NRXN3: variants seen among roughly 807,000 people sequenced by gnomAD.
NRXN3 encodes neurexin 3, also known as neurexin III.
NRXN3 carries 32 observed loss-of-function variants against 137.6 expected under a neutral mutation model. The ratio of observed to expected loss-of-function variants is 0.23; its 90% CI spans 0.18 to 0.31. NRXN3 has a LOEUF of 0.31. Ranked by LOEUF, NRXN3 falls within the 10% of genes least tolerant of loss-of-function variation. The pLI is 1.00. For missense variants in NRXN3, 1,574 were observed against 2,062.5 expected (o/e 0.76, Z 4.59); for synonymous variants, 798 against 784.5 (o/e 1.02, Z -0.29).
At chr14:79,462,382 T>A (rs1036214211) in intron 15 of NRXN3, among the ~76,000 whole-genome samples, 7 of 144,798 alleles carry the variant, frequency 4.8e-5, no homozygotes, top group African/African-American at 1.4e-4. Context: ...TCAAAAAAAA[T>A]AAATAAATAA....
intron 19 of NRXN3, among the ~76,000 whole-genome samples, chr14:79,704,804 C>A (rs929724926): frequency 6.6e-6 from 1 of 152,092 alleles, no homozygotes; most frequent in Admixed American, 6.6e-5. Context: ...TTACTTGTTG[C>A]CTGGTAAGAT....
At chr14:78,608,331 C>A (rs117350432) in intron 4 of NRXN3, among the ~76,000 whole-genome samples, 2,319 of 152,268 alleles carry the variant, frequency 0.015, 23 homozygotes, top group Non-Finnish European at 0.025. Context: ...CCTAGATATA[C>A]CTTCAGCCAA....
At chr14:78,567,073 A>G (rs1318326965) in intron 4 of NRXN3, among the ~76,000 whole-genome samples, 1 of 152,090 alleles carries the variant, frequency 6.6e-6, no homozygotes, top group Non-Finnish European at 1.5e-5. Flanking sequence ...ACCCTTAAAT[A>G]TGATGGATGG....
At chr14:78,303,081 C>T (rs905773095) in intron 4 of NRXN3, among the ~76,000 whole-genome samples, 59 of 152,318 alleles carry the variant, frequency 3.9e-4, no homozygotes, top group Non-Finnish European at 6.2e-4. Context: ...TCTTGCTCCT[C>T]TGTTAAGCTT....
chr14:78,832,504 T>A (rs1349487627), intron 10 of NRXN3, among the ~76,000 whole-genome samples: 1 of 152,150 alleles, frequency 6.6e-6, no homozygotes, highest in Non-Finnish European at 1.5e-5. Flanking sequence ...TGTAGCTTAG[T>A]TCTCTTGCTG....
At chr14:79,525,820 A>G (rs1014579010) in intron 16 of NRXN3, among the ~76,000 whole-genome samples, 3 of 152,228 alleles carry the variant, frequency 2.0e-5, no homozygotes, top group South Asian at 4.1e-4. Flanking sequence ...AACAGACTAC[A>G]GTTGGCATAT....
At position 79,529,787 on chromosome 14, in the gene NRXN3, A is replaced by T. The variant is rs115858857; in HGVS notation, c.3444+62385A>T. Among the ~76,000 whole-genome samples the T allele has an allele frequency of 5.6e-3, 854 of 152,328 alleles. 5 individuals are homozygous for T. Among genetic ancestry groups the T allele is most frequent in the African/African-American group, 0.02 (830 of 41,586 alleles). On this transcript the variant is annotated intron_variant, in intron 16 of 20. Coordinates refer to ENST00000335750, the MANE Select transcript of NRXN3 (RefSeq NM_001330195.2). The stretch of plus-strand genomic sequence containing the variant: ...AGAGAGAATTTTGATGGATGTGTGT[A>T]TTTGAGTCAGTTTTCATCCCACTGA...
rs536014991 is a variant in NRXN3 at position 78,850,404 on chromosome 14, G to A, written c.2275+40060G>A. 7.2e-5 allele frequency among the ~76,000 whole-genome samples: 11 copies of A among 152,198 alleles called. No individual in the cohort carries two copies. In the Middle Eastern group the frequency reaches 0.014, roughly 190 times the overall value. ...TCCATAGTGATTTCAAGTTAGCCCA[G>A]GGGTTAAAACTAACCATAGTACATT... On this transcript the variant is annotated intron_variant, in intron 10 of 20. Coordinates refer to ENST00000335750, the MANE Select transcript of NRXN3 (RefSeq NM_001330195.2).
intron 1 of NRXN3, among the ~76,000 whole-genome samples, chr14:78,205,805 G>T (rs2062129736): frequency 6.6e-6 from 1 of 152,216 alleles, no homozygotes; most frequent in Non-Finnish European, 1.5e-5. Context: ...GAAAGGAGTT[G>T]TGTGCTCGAA....
At chr14:79,086,038 G>C (rs189282629) in intron 15 of NRXN3, among the ~76,000 whole-genome samples, 1 of 152,234 alleles carries the variant, frequency 6.6e-6, no homozygotes, top group East Asian at 1.9e-4. Context: ...AAGCTGCAGC[G>C]CTTCTAGATT....
intron 10 of NRXN3, among the ~76,000 whole-genome samples, chr14:78,831,331 T>C (rs185661820): frequency 6.6e-6 from 1 of 150,514 alleles, no homozygotes; most frequent in Non-Finnish European, 1.5e-5. Context: ...AGGTCAGGAG[T>C]TCAAGACCAG....
intron 4 of NRXN3, among the ~76,000 whole-genome samples, chr14:78,636,154 T>C (rs893791952): frequency 6.6e-6 from 1 of 152,210 alleles, no homozygotes; most frequent in African/African-American, 2.4e-5. Flanking sequence ...AGTCAAATCA[T>C]AATTGTGTCA....
At chr14:78,494,693 G>A (rs2095739829) in intron 4 of NRXN3, among the ~76,000 whole-genome samples, 1 of 152,140 alleles carries the variant, frequency 6.6e-6, no homozygotes, top group South Asian at 2.1e-4. Context: ...GATTCAGATA[G>A]AGATATCTCC....
chr14:78,625,277 G>A (rs2097446977), intron 4 of NRXN3, among the ~76,000 whole-genome samples: 1 of 152,172 alleles, frequency 6.6e-6, no homozygotes, highest in African/African-American at 2.4e-5. Flanking sequence ...TTGCTTTTAA[G>A]ATTTATCCAT....
intron 16 of NRXN3, among the ~76,000 whole-genome samples, chr14:79,544,980 T>G (rs1324950911): frequency 6.6e-6 from 1 of 152,186 alleles, no homozygotes; most frequent in Non-Finnish European, 1.5e-5. Flanking sequence ...CATAGTCTCT[T>G]CTACAAGTAA....
chr14:78,607,788 C>G (rs146981001), intron 4 of NRXN3, among the ~76,000 whole-genome samples: 6 of 152,252 alleles, frequency 3.9e-5, no homozygotes, highest in Admixed American at 1.3e-4. Flanking sequence ...TGTGTGTCTA[C>G]TTAAAGAAAT....
At chr14:79,692,629 G>T (rs1401652235) in intron 18 of NRXN3, among the ~76,000 whole-genome samples, 1 of 151,778 alleles carries the variant, frequency 6.6e-6, no homozygotes, top group Non-Finnish European at 1.5e-5. Context: ...ATTCCAAAAG[G>T]GCTTTTTAAA....
intron 1 of NRXN3, among the ~76,000 whole-genome samples, chr14:78,185,534 G>A (rs1383683496): frequency 6.6e-6 from 1 of 152,190 alleles, no homozygotes; most frequent in East Asian, 1.9e-4. Context: ...ATTCAGTTAG[G>A]ATGATCCCTA....
chr14:78,395,961 T>C (rs993735593), intron 4 of NRXN3, among the ~76,000 whole-genome samples: 37 of 152,058 alleles, frequency 2.4e-4, no homozygotes, highest in African/African-American at 8.4e-4. Context: ...TTTTACATAT[T>C]TAGACTCTTT....
Sources: gnomAD v4.1 joint callset for allele counts (sites outside exome capture counted in the v4.1 genomes callset) on GRCh38, gnomAD v4.1.1 for gene constraint, MANE v1.5 for transcripts, NCBI Gene and HGNC (gene_info 2026-07-23, HGNC 2026-07-21) for gene names.